SYTL2: variants seen among roughly 807,000 people sequenced by gnomAD.
SYTL2 encodes the protein synaptotagmin-like protein 2.
SYTL2 carries 165 observed loss-of-function variants against 198.7 expected under a neutral mutation model. The observed-to-expected ratio is 0.83, with a 90% confidence interval of 0.73 to 0.94. The LOEUF is 0.94. SYTL2 is among the 40% of genes least tolerant of loss of function. The pLI, the probability that SYTL2 is intolerant of heterozygous loss-of-function variation, is 0.00. For missense variants in SYTL2, 2,835 were observed against 2,582.8 expected (o/e 1.10, Z -2.12); for synonymous variants, 966 against 917.7 (o/e 1.05, Z -0.95).
At chr11:85,761,366 T>C (rs1314164247) in intron 1 of SYTL2, among the ~76,000 whole-genome samples, 1 of 152,086 alleles carries the variant, frequency 6.6e-6, no homozygotes, top group Non-Finnish European at 1.5e-5. Context: ...AAACAAGCCA[T>C]GCAGATATCC....
chr11:85,825,852 AATC>A, the SYTL2 span, among the ~76,000 whole-genome samples: 1 of 152,236 alleles, frequency 6.6e-6, no homozygotes, highest in Admixed American at 6.5e-5. Context: ...AAATGGCACT[AATC>A]ATGATTTCAT....
At position 85,709,601 on chromosome 11, in the gene SYTL2, G is replaced by A. The variant is rs989624899; in HGVS notation, c.5746-101C>T. ...CCTGCTGGCATTATTTCTTTAGCTT[G>A]CTTATAAAAGCAGTTAATTCAATAT... On this transcript the variant is annotated intron_variant, in intron 13 of 19. Transcript: ENST00000359152. 34 of 1,125,492 alleles carry A rather than the reference G, an allele frequency of 3.0e-5. No individual in the cohort carries two copies. In the African/African-American group the frequency reaches 4.0e-4, roughly 13 times the overall value. 69.7% of individuals were successfully genotyped at this position (1,125,492 alleles called of 1,614,324 possible). A position where few individuals can be genotyped will look rare whatever the true frequency, so the allele number is the denominator to read the frequency against.
At chr11:85,748,183 A>G in intron 3 of SYTL2, 89 bp downstream of exon 3, 1 of 1,391,124 alleles carries the variant, frequency 7.2e-7, no homozygotes, top group South Asian at 1.3e-5. Flanking sequence ...AATGATTTCC[A>G]TCAGCAGATT....
chr11:85,836,297 C>T, the SYTL2 span, among the ~76,000 whole-genome samples: 1 of 152,050 alleles, frequency 6.6e-6, no homozygotes, highest in African/African-American at 2.4e-5. Flanking sequence ...GCTGATGTCT[C>T]CTTTCCAATT....
At chr11:85,764,042 C>A (rs545505752) in intron 1 of SYTL2, among the ~76,000 whole-genome samples, 1 of 152,348 alleles carries the variant, frequency 6.6e-6, no homozygotes, top group Non-Finnish European at 1.5e-5. Context: ...CTGCTAACTG[C>A]ACAGCTGGGC....
chr11:85,761,398 G>T (rs2092093111), intron 1 of SYTL2, among the ~76,000 whole-genome samples: 1 of 152,156 alleles, frequency 6.6e-6, no homozygotes, highest in Admixed American at 6.5e-5. Flanking sequence ...GGTGGGAGTT[G>T]TCTGGCACAT....
At chr11:85,715,479 TAA>T (rs1186536978) in intron 11 of SYTL2, among the ~76,000 whole-genome samples, 12 of 152,276 alleles carry the variant, frequency 7.9e-5, no homozygotes, top group East Asian at 1.9e-4. Flanking sequence ...TTTATCATTA[TAA>T]GAGATATTAA....
At chr11:85,816,244 T>C in the SYTL2 span, among the ~76,000 whole-genome samples, 655 of 152,270 alleles carry the variant, frequency 4.3e-3, 4 homozygotes, top group African/African-American at 0.015. Context: ...GATATGTATG[T>C]GTCATCATCA....
intron 1 of SYTL2, among the ~76,000 whole-genome samples, chr11:85,790,626 G>A (rs1276995474): frequency 2.0e-5 from 3 of 152,142 alleles, no homozygotes; most frequent in Non-Finnish European, 4.4e-5. Context: ...TCAAAGACAG[G>A]CTCCCAGTAG....
chr11:85,775,082 C>A (rs1183849460), intron 1 of SYTL2, among the ~76,000 whole-genome samples: 1 of 152,032 alleles, frequency 6.6e-6, no homozygotes, highest in African/African-American at 2.4e-5. Context: ...GATGAATAGG[C>A]AGACTACTGG....
At chr11:85,748,239 C>T in intron 3 of SYTL2, 33 bp downstream of exon 3, 8 of 1,595,862 alleles carry the variant, frequency 5.0e-6, no homozygotes, top group Non-Finnish European at 6.9e-6. Flanking sequence ...CAAACGAATG[C>T]TTGTTGTAAA....
rs753660701 is a variant in SYTL2, at chr11:85,757,641, C to G, written c.85G>C (p.Glu29Gln). The G allele has an allele frequency of 1.9e-6, 3 of 1,613,666 alleles. No individual in the cohort carries two copies. In the South Asian group the frequency reaches 3.3e-5, roughly 18 times the overall value. Reference sequence around the variant, plus strand: ...GCCTCTTACCTGACTCTCTCTTCTTCGGCCCTCTTCAGAGCAGCATCCCGC... The same window carrying G: ...GCCTCTTACCTGACTCTCTCTTCTTGGGCCCTCTTCAGAGCAGCATCCCGC... ...LQRDAALKRA[E>Q]EERVRHLPEK... The change falls in exon 2 of 20, where the codon GAA becomes CAA. Residue 29 changes from glutamate (E) to glutamine (Q), a missense_variant. Coordinates refer to ENST00000359152, the MANE Select transcript of SYTL2 (RefSeq NM_206927.4).
chr11:85,716,631 T>C (rs533472147), intron 11 of SYTL2: 1 of 152,026 alleles, frequency 6.6e-6, no homozygotes, highest in African/African-American at 2.4e-5. Flanking sequence ...TGTGTATCAT[T>C]ATCTTCATAC....
At chr11:85,802,515 T>C (rs1166002739) in intron 1 of SYTL2, among the ~76,000 whole-genome samples, 1 of 152,198 alleles carries the variant, frequency 6.6e-6, no homozygotes. Context: ...TGGCAGTTGC[T>C]CTCTCAGCAA....
chr11:85,775,823 G>C (rs556918), intron 1 of SYTL2, among the ~76,000 whole-genome samples: 88,570 of 152,038 alleles, frequency 0.58, 26,429 homozygotes, highest in Middle Eastern at 0.65. Flanking sequence ...GCAAGGTCAA[G>C]TGGCTTAGCC....
Position 85,719,011 on chromosome 11 carries a change from T to C in SYTL2, c.5429-168A>G, listed in dbSNP as rs1004844117. ...ATACTTTCTCTTTAGATTAGCTCCT[T>C]GAGCCAGTGCCATAGCGGGAGCTCC... is the stretch of plus-strand genomic sequence containing the variant. On this transcript the variant is annotated intron_variant, in intron 9 of 19. Transcript: ENST00000359152. 5 of 1,527,544 alleles carry C rather than the reference T, an allele frequency of 3.3e-6. No individual in the cohort carries two copies. In the African/African-American group the frequency reaches 6.9e-5, roughly 21 times the overall value. 94.6% of individuals were successfully genotyped at this position (1,527,544 alleles called of 1,614,324 possible). A position where few individuals can be genotyped will look rare whatever the true frequency, so the allele number is the denominator to read the frequency against.
intron 1 of SYTL2, among the ~76,000 whole-genome samples, chr11:85,768,624 A>G (rs949431047): frequency 3.3e-5 from 5 of 152,072 alleles, no homozygotes; most frequent in African/African-American, 1.2e-4. Flanking sequence ...TACCTTTTCT[A>G]TTTACCTCAC....
chr11:85,747,203 G>A (rs1327709369), intron 3 of SYTL2, among the ~76,000 whole-genome samples: 3 of 151,766 alleles, frequency 2.0e-5, no homozygotes, highest in African/African-American at 7.3e-5. Flanking sequence ...GTCTATAATC[G>A]CAGCACTTTG....
At chr11:85,815,111 A>C (rs1460586737), upstream of SYTL2, among the ~76,000 whole-genome samples, 1 of 152,234 alleles carries the variant, frequency 6.6e-6, no homozygotes, top group Non-Finnish European at 1.5e-5. Context: ...ACTTATACAC[A>C]ATAGGCACTA....
Sources: gnomAD v4.1 joint callset for allele counts (sites outside exome capture counted in the v4.1 genomes callset) on GRCh38, gnomAD v4.1.1 for gene constraint, MANE v1.5 for transcripts, NCBI Gene and HGNC (gene_info 2026-07-23, HGNC 2026-07-21) for gene names.